The following SERHL2 variants were observed in gnomAD, a reference collection of about 807,000 sequenced individuals.
The protein encoded by SERHL2 is serine hydrolase like 2, also known as serine hydrolase-like protein 2.
Under a neutral mutation model 25.5 loss-of-function variants are expected in SERHL2, and 29 were observed. The ratio of observed to expected loss-of-function variants is 1.14; its 90% CI spans 0.85 to 1.55. The LOEUF is 1.55. Among genes scored for constraint, SERHL2 ranks in the 40% most tolerant of loss-of-function variants. SERHL2 has a pLI of 0.00. For missense variants in SERHL2, 240 were observed against 252.3 expected (o/e 0.95, Z 0.33); for synonymous variants, 95 against 103.5 (o/e 0.92, Z 0.50).
At chr22:42,571,643 C>G (rs1924210388) in intron 10 of SERHL2, 1 of 215,194 alleles carries the variant, frequency 4.6e-6, no homozygotes, top group African/African-American at 2.3e-5. Flanking sequence ...CCAGGCTGCT[C>G]TCCATCTCCT....
At chr22:42,567,885 ACACC>A (rs1923629822) in intron 9 of SERHL2, among the ~76,000 whole-genome samples, 5 of 151,178 alleles carry the variant, frequency 3.3e-5, no homozygotes, top group Non-Finnish European at 7.4e-5. Context: ...ACCCACCACC[ACACC>A]TGGCTAATTT....
At position 42,572,498 on chromosome 22, in the gene SERHL2, T is replaced by C. The variant is rs1369017351; in HGVS notation, c.794T>C (p.Met265Thr). The change falls in exon 11 of 12, where the codon ATG becomes ACG. Residue 265 changes from methionine to threonine, a missense_variant. By Grantham distance (81) the Met-to-Thr change is moderately conservative (BLOSUM62 -1). Around this residue, in one of 4 missense-constraint regions of SERHL2, gnomAD observed 212 missense variants for 168.9 expected, o/e 1.25. Transcript: ENST00000327678. ...NYSEKESLSF[M>T]IDTMKSTLKE... is the part of the protein sequence containing the mutation. ...TCTGAGAAGGAGTCCCTGTCGTTCA[T>C]GATAGACACGATGAAATCCACCCTC... 7 of 1,612,054 alleles carry C rather than the reference T, an allele frequency of 4.3e-6. No individual in the cohort carries two copies. In the South Asian group the frequency reaches 5.5e-5, roughly 13 times the overall value.
chr22:42,554,323 G>T (rs1470873962), intron 1 of SERHL2, among the ~76,000 whole-genome samples: 1 of 152,136 alleles, frequency 6.6e-6, no homozygotes, highest in African/African-American at 2.4e-5. Flanking sequence ...TGCAGAGACG[G>T]AGGAGGCTGC....
rs372761927 is a variant in SERHL2, at chr22:42,572,492, C to G, written c.788C>G (p.Ser263Trp). 3.7e-6 allele frequency: 6 copies of G among 1,611,814 alleles called. 1 individual carries two copies. In the South Asian group the frequency reaches 4.4e-5, roughly 12 times the overall value. The change falls in exon 11 of 12, where the codon TCG (serine) becomes TGG (tryptophan). Residue 263 changes from serine (S) to tryptophan (W), a missense_variant. By Grantham distance (177) the Ser-to-Trp change is radical. Transcript: ENST00000327678. ...RQNYSEKESLSFMIDTMKSTL... is the reference protein window; with the variant it reads ...RQNYSEKESLWFMIDTMKSTL... Reference sequence around the variant, plus strand: ...AATTACTCTGAGAAGGAGTCCCTGTCGTTCATGATAGACACGATGAAATCC... The same window carrying G: ...AATTACTCTGAGAAGGAGTCCCTGTGGTTCATGATAGACACGATGAAATCC...
At chr22:42,561,891 A>G (rs114013349) in intron 8 of SERHL2, among the ~76,000 whole-genome samples, 1,606 of 151,794 alleles carry the variant, frequency 0.011, 23 homozygotes, top group African/African-American at 0.037. Flanking sequence ...TGCCTCACGG[A>G]TGGCTGACCT....
At chr22:42,563,497 C>T in intron 8 of SERHL2, 1 of 372,532 alleles carries the variant, frequency 2.7e-6, no homozygotes, top group Non-Finnish European at 5.4e-6. Context: ...AGTCACCATG[C>T]CCAGCCAACC....
chr22:42,571,250 G>A (rs1425282707), intron 10 of SERHL2, 47 bp downstream of exon 10: 3 of 1,608,194 alleles, frequency 1.9e-6, no homozygotes, highest in Non-Finnish European at 2.5e-6. Flanking sequence ...GGAGACATGG[G>A]CGCCAGGAAT....
intron 8 of SERHL2, among the ~76,000 whole-genome samples, chr22:42,562,019 CA>C (rs1402701774): frequency 3.3e-5 from 5 of 151,624 alleles, no homozygotes; most frequent in Non-Finnish European, 7.4e-5. Context: ...ATGTGGGTGT[CA>C]GGGGGGTGAG....
chr22:42,572,969 C>G (rs1219240838), intron 11 of SERHL2, among the ~76,000 whole-genome samples: 1 of 151,822 alleles, frequency 6.6e-6, no homozygotes, highest in Non-Finnish European at 1.5e-5. Flanking sequence ...CATACCCGGC[C>G]TAGTCGCACA....
In SERHL2 at chr22:42,573,977, CAT is replaced by C; in HGVS notation, c.868_869del (p.Met290GlufsTer32). On this transcript the variant is annotated frameshift_variant, in exon 12 of 12. Transcript: ENST00000327678. LOFTEE classifies it low-confidence loss of function (END_TRUNC). ...VEVPGNHCVH[M>X]SEPQHVASII... is the part of the protein sequence containing the mutation. ...AAGTCCCAGGCAATCACTGTGTCCA[CAT>C]GAGCGAACCCCAGCACGTGGCCAGT... The C allele has an allele frequency of 1.2e-6, 2 of 1,609,698 alleles. No homozygotes were observed. Among genetic ancestry groups the C allele is most frequent in the Non-Finnish European group, 1.7e-6 (2 of 1,176,728 alleles).
chr22:42,572,775 G>A lies in SERHL2; in HGVS notation c.825+246G>A, dbSNP rs956247622. On this transcript the variant is annotated intron_variant, in intron 11 of 11. Transcript: ENST00000327678. Reference sequence around the variant, plus strand: ...CCCCTGCCAGGTTCAAGCTACTCTCGTGCCTCAGCCTCCTGAGTAGCTGGG... The same window carrying A: ...CCCCTGCCAGGTTCAAGCTACTCTCATGCCTCAGCCTCCTGAGTAGCTGGG... 8.3e-6 allele frequency: 8 copies of A among 959,194 alleles called. No homozygotes were observed. In the South Asian group the frequency reaches 1.9e-4, roughly 23 times the overall value. The allele number at this position is 959,194 out of a possible 1,614,324, so 59.4% of individuals were successfully genotyped here.
intron 8 of SERHL2, among the ~76,000 whole-genome samples, chr22:42,561,767 G>T (rs1922712800): frequency 1.3e-5 from 2 of 151,824 alleles, no homozygotes. Context: ...CGGGTCGCCA[G>T]TTTGGGACCA....
At chr22:42,571,902 G>A (rs1218427440) in intron 10 of SERHL2, 1 of 131,880 alleles carries the variant, frequency 7.6e-6, no homozygotes, top group African/African-American at 2.9e-5. Flanking sequence ...ACAAAGCCAG[G>A]TCATGGTTGC....
intron 8 of SERHL2, among the ~76,000 whole-genome samples, chr22:42,560,828 C>T (rs1355780655): frequency 3.3e-5 from 5 of 151,954 alleles, no homozygotes; most frequent in East Asian, 3.8e-4. Context: ...CTCCACCTCC[C>T]GGGCTCCAGA....
chr22:42,559,061 C>CCA (rs150843806), intron 7 of SERHL2, among the ~76,000 whole-genome samples: 9 of 67,384 alleles, frequency 1.3e-4, no homozygotes, highest in Non-Finnish European at 2.3e-4. Context: ...GCACACACAC[C>CCA]CACACACACA....
At chr22:42,563,259 A>T (rs193037450) in intron 8 of SERHL2, 1 of 178,072 alleles carries the variant, frequency 5.6e-6, no homozygotes, top group Admixed American at 6.3e-5. Context: ...GCTGGAATGC[A>T]GTGGCGTGAC....
chr22:42,569,397 T>A (rs1198722985), intron 9 of SERHL2: 1 of 151,824 alleles, frequency 6.6e-6, no homozygotes, highest in East Asian at 1.9e-4. Flanking sequence ...TAGCTGGGAT[T>A]ACAGGCGCCT....
chr22:42,569,493 C>G (rs1456384437), intron 9 of SERHL2: 1 of 151,928 alleles, frequency 6.6e-6, no homozygotes, highest in Non-Finnish European at 1.5e-5. Context: ...CTTCTGACCT[C>G]AGGCGATCCA....
At chr22:42,573,470 CCT>C in intron 11 of SERHL2, 1 of 163,240 alleles carries the variant, frequency 6.1e-6, no homozygotes, top group South Asian at 1.7e-4. Flanking sequence ...CTCTTGATCT[CCT>C]GACCTCGTGA....
Sources: gnomAD v4.1 joint callset for allele counts (sites outside exome capture counted in the v4.1 genomes callset) on GRCh38, gnomAD v4.1.1 for gene constraint, gnomAD v4.1.1 regional missense constraint, MANE v1.5 for transcripts, NCBI Gene and HGNC (gene_info 2026-07-23, HGNC 2026-07-21) for gene names.